Variants in L3MBTL1 observed in about 807,000 individuals in gnomAD.
The protein encoded by L3MBTL1 is lethal(3)malignant brain tumor-like protein 1.
L3MBTL1 carries 75 observed loss-of-function variants against 105.3 expected under a neutral mutation model. The observed-to-expected ratio is 0.71, with a 90% CI of 0.59 to 0.86. The LOEUF is 0.86. Among genes scored for constraint, L3MBTL1 ranks in the 40% least tolerant of loss-of-function variants. L3MBTL1 has a pLI of 0.00. For missense variants in L3MBTL1, 1,069 were observed against 1,126.4 expected (o/e 0.95, Z 0.73); for synonymous variants, 452 against 436.2 (o/e 1.04, Z -0.45).
In L3MBTL1 at chr20:43,528,646, C is replaced by T; in HGVS notation, c.863-11C>T. On this transcript the variant is annotated splice_polypyrimidine_tract_variant and intron_variant, in intron 7 of 21. Coordinates refer to ENST00000418998, the MANE Select transcript of L3MBTL1 (RefSeq NM_001377303.1). ...AGCCCAGGAGTTAGCCTGTCTGTCC[C>T]CTTTCCACAGCAACAGGTGAGAAGA... The T allele has an allele frequency of 6.2e-7, 1 of 1,611,984 alleles. No homozygotes were observed. The highest frequency in any genetic ancestry group is 8.5e-7 in the Non-Finnish European group (1 of 1,178,040).
chr20:43,525,133 A>G (rs1042168156), intron 7 of L3MBTL1, among the ~76,000 whole-genome samples: 1 of 151,338 alleles, frequency 6.6e-6, no homozygotes, highest in East Asian at 1.9e-4. Flanking sequence ...AAAAAAAGGC[A>G]TAAAGTATCA....
chr20:43,537,065 C>T lies in L3MBTL1; in HGVS notation c.2173+607C>T, dbSNP rs183845715. On this transcript the variant is annotated intron_variant, in intron 19 of 21. Coordinates refer to ENST00000418998, the MANE Select transcript of L3MBTL1 (RefSeq NM_001377303.1). Reference sequence around the variant, plus strand: ...AGTCTCAGAGGGTGATGTCACTTGCCCAAGGTCATTCACCTTGTAAGGGGG... The same window carrying T: ...AGTCTCAGAGGGTGATGTCACTTGCTCAAGGTCATTCACCTTGTAAGGGGG... Among the ~76,000 whole-genome samples the T allele has an allele frequency of 1.1e-3, 172 of 152,198 alleles. 1 individual carries two copies. The highest frequency in any genetic ancestry group is 1.1e-3 in the Non-Finnish European group (72 of 68,030).
downstream of L3MBTL1, among the ~76,000 whole-genome samples, chr20:43,545,118 G>A (rs892746563): frequency 3.3e-5 from 5 of 152,092 alleles, no homozygotes; most frequent in African/African-American, 1.2e-4. Context: ...AGCCCCAGAG[G>A]CCAGGCATGG....
intron 18 of L3MBTL1, 40 bp from the exon 19 acceptor site, chr20:43,536,369 C>T: frequency 6.2e-7 from 1 of 1,613,662 alleles, no homozygotes; most frequent in Non-Finnish European, 8.5e-7. Flanking sequence ...CTGGGCCAGA[C>T]ACTGATTCCC....
chr20:43,530,286 A>T lies in L3MBTL1; in HGVS notation c.1059A>T (p.Val353=). The change falls in exon 10 of 22, where the codon GTA becomes GTT. Residue 353 remains valine, a splice_region_variant and synonymous_variant. Transcript: ENST00000418998. The part of the protein sequence containing the change: ...SMYFILTVAE[V]CGYRLRLHFD... ...CCTGATTCCCCTCATGGGGCCAGGT[A>T]TGTGGCTATCGCCTACGCCTGCACT... is the stretch of plus-strand genomic sequence containing the variant. 6.2e-7 allele frequency: 1 copy of T among 1,613,912 alleles called. No homozygotes were observed. The highest frequency in any genetic ancestry group is 1.1e-5 in the South Asian group (1 of 91,064).
chr20:43,535,945 A>G lies in L3MBTL1; in HGVS notation c.1925+9A>G. 6 of 1,609,074 alleles carry G rather than the reference A, an allele frequency of 3.7e-6. No individual in the cohort carries two copies. Among genetic ancestry groups the G allele is most frequent in the Non-Finnish European group, 5.1e-6 (6 of 1,176,500 alleles). On this transcript the variant is annotated intron_variant, in intron 17 of 21. Coordinates refer to ENST00000418998, the MANE Select transcript of L3MBTL1 (RefSeq NM_001377303.1). Reference sequence around the variant, plus strand: ...TACAGCTTTCACCACCGGTGAGTGAAGGTTCCTGGTGAGAGACCCTCAGCG... The same window carrying G: ...TACAGCTTTCACCACCGGTGAGTGAGGGTTCCTGGTGAGAGACCCTCAGCG...
intron 7 of L3MBTL1, 40 bp from the exon 8 acceptor site, chr20:43,528,617 G>A (rs375739447): frequency 4.7e-5 from 70 of 1,501,734 alleles, no homozygotes; most frequent in Non-Finnish European, 6.4e-5. Context: ...CATATATCAG[G>A]AACAGCCCAG....
chr20:43,534,247 C>T (rs1405231954), intron 14 of L3MBTL1, 37 bp from the exon 15 acceptor site: 3 of 1,595,818 alleles, frequency 1.9e-6, no homozygotes, highest in Admixed American at 1.7e-5. Flanking sequence ...CTCTGCTGAG[C>T]TGCGCCTTGC....
chr20:43,544,817 A>G (rs1263275205), downstream of L3MBTL1, among the ~76,000 whole-genome samples: 1 of 152,038 alleles, frequency 6.6e-6, no homozygotes, highest in African/African-American at 2.4e-5. Flanking sequence ...ATTAAAAAAA[A>G]TTAGCCAAGC....
exon 19 of L3MBTL1, chr20:43,548,324 C>T (rs1311810861): frequency 2.5e-6 from 3 of 1,197,712 alleles, no homozygotes; most frequent in Non-Finnish European, 3.3e-6. Flanking sequence ...ACCTGAATTC[C>T]TCATACCCCA....
At chr20:43,529,486 T>A in intron 9 of L3MBTL1, 118 bp downstream of exon 9, 1 of 713,552 alleles carries the variant, frequency 1.4e-6, no homozygotes. Context: ...AATCTAGTAG[T>A]GGATGAAGCT....
chr20:43,533,045 G>A (rs1294858067), intron 12 of L3MBTL1, 121 bp downstream of exon 12: 17 of 952,772 alleles, frequency 1.8e-5, no homozygotes, highest in African/African-American at 4.9e-5. Flanking sequence ...ATCTTCCTCC[G>A]GTTGGAAGAT....
At chr20:43,512,199 A>C (rs1228419383) in intron 1 of L3MBTL1, among the ~76,000 whole-genome samples, 2 of 152,158 alleles carry the variant, frequency 1.3e-5, no homozygotes, top group Admixed American at 1.3e-4. Context: ...ATGGGTTAGA[A>C]GGCAATTTCA....
chr20:43,521,844 C>T (rs1202734975), intron 7 of L3MBTL1, among the ~76,000 whole-genome samples: 2 of 152,208 alleles, frequency 1.3e-5, no homozygotes, highest in South Asian at 2.1e-4. Context: ...TACGCCACTG[C>T]ACCTGGCTCC....
chr20:43,536,438 T>C lies in L3MBTL1; in HGVS notation c.2153T>C (p.Ile718Thr), dbSNP rs1228405005. 6.2e-7 allele frequency: 1 copy of C among 1,614,018 alleles called. No individual in the cohort carries two copies. The highest frequency in any genetic ancestry group is 2.2e-5 in the East Asian group (1 of 44,880). ...RIGRPPKYRK[I>T]PQEDFQTLTP... ...GGACGCCCTCCGAAGTATCGAAAGA[T>C]TCCGCAGGAAGATTTCCAGAGTAAG... Residue 718 changes from isoleucine to threonine, a missense_variant, in exon 19 of 22, where the codon ATT becomes ACT. Ile to Thr is a moderately conservative substitution (Grantham distance 89). Transcript: ENST00000418998.
In L3MBTL1 at chr20:43,541,063, C is replaced by A. The variant is rs747185357; in HGVS notation, c.2524C>A (p.Leu842Ile). 1.9e-6 allele frequency: 3 copies of A among 1,614,214 alleles called. No individual in the cohort carries two copies. Among genetic ancestry groups the A allele is most frequent in the Non-Finnish European group, 2.5e-6 (3 of 1,180,038 alleles). ...KGILETGVHSLLCSLPTHLLA... is the reference protein window; with the variant it reads ...KGILETGVHSILCSLPTHLLA... ...CATCCTGGAGACAGGAGTCCATTCA[C>A]TCCTCTGCTCTCTACCCACTCATTT... The change falls in exon 22 of 22, where the codon CTC becomes ATC. Residue 842 changes from leucine (L) to isoleucine (I), a missense_variant. Coordinates refer to ENST00000418998, the MANE Select transcript of L3MBTL1 (RefSeq NM_001377303.1).
At chr20:43,525,147 C>T (rs939280359) in intron 7 of L3MBTL1, among the ~76,000 whole-genome samples, 5 of 151,536 alleles carry the variant, frequency 3.3e-5, no homozygotes, top group African/African-American at 1.2e-4. Flanking sequence ...AGTATCACTT[C>T]CAAGTTTCTG....
At position 43,535,850 on chromosome 20, in the gene L3MBTL1, C is replaced by A; in HGVS notation, c.1839C>A (p.Pro613=). 1.3e-6 allele frequency: 2 copies of A among 1,599,062 alleles called. No homozygotes were observed. Among genetic ancestry groups the A allele is most frequent in the Non-Finnish European group, 1.7e-6 (2 of 1,173,422 alleles). The change falls in exon 17 of 22, where the codon CCC becomes CCA. Residue 613 remains proline (P), a synonymous_variant. Coordinates refer to ENST00000418998, the MANE Select transcript of L3MBTL1 (RefSeq NM_001377303.1). ...CTGCTCTTTTAGGACCCAGAGAGCC[C>A]AGCTCTGCCTCCCCTGGGGGCTGTC... ...PLQPPLGPRE[P]SSASPGGCPP...
At position 43,521,979 on chromosome 20, in the gene L3MBTL1, C is replaced by T. The variant is rs573145141; in HGVS notation, c.862+5802C>T. On this transcript the variant is annotated intron_variant, in intron 7 of 21. Transcript: ENST00000418998. Reference sequence around the variant, plus strand: ...TAAATATCATAAGAGATTTTCTTCACACTGTTCCTCTGAGCACAGCATGAG... The same window carrying T: ...TAAATATCATAAGAGATTTTCTTCATACTGTTCCTCTGAGCACAGCATGAG... Among the ~76,000 whole-genome samples, 9 of 152,372 alleles carry T rather than the reference C, an allele frequency of 5.9e-5. 1 individual carries two copies. The highest frequency in any genetic ancestry group is 2.0e-4 in the Admixed American group (3 of 15,308).
Sources: allele counts gnomAD v4.1 joint callset (sites outside exome capture counted in the v4.1 genomes callset), GRCh38; gene constraint gnomAD v4.1.1; transcripts MANE v1.5; gene names NCBI Gene and HGNC (gene_info 2026-07-23, HGNC 2026-07-21).